The following RBFOX1 variants were observed in gnomAD, a reference collection of about 807,000 sequenced individuals.
RBFOX1 encodes RNA binding fox-1 homolog 1.
RBFOX1 carries 8 observed loss-of-function variants against 57.7 expected under a neutral mutation model. The ratio of observed to expected loss-of-function variants is 0.14; its 90% CI spans 0.08 to 0.25. The LOEUF (loss-of-function observed/expected upper bound fraction) is 0.25. RBFOX1 is among the 10% of genes least tolerant of loss of function. RBFOX1 has a pLI of 1.00. For synonymous variants in RBFOX1, 326 were observed against 222.4 expected (o/e 1.47, Z -4.15); for missense variants, 611 against 548.5 (o/e 1.11, Z -1.14).
At chr16:6,905,841 G>A (rs964081440) in intron 3 of RBFOX1, among the ~76,000 whole-genome samples, 2 of 152,190 alleles carry the variant, frequency 1.3e-5, no homozygotes, top group Admixed American at 6.5e-5. Flanking sequence ...AGTGGCTGAG[G>A]GCTGTATGTT....
chr16:6,981,075 G>A (rs528253090), intron 3 of RBFOX1, among the ~76,000 whole-genome samples: 2 of 120,886 alleles, frequency 1.7e-5, no homozygotes, highest in African/African-American at 4.0e-5. Context: ...AAAAATTCAG[G>A]AGTGGTGAGA....
chr16:5,909,085 C>T (rs1341932276), intron 4 of RBFOX1, among the ~76,000 whole-genome samples: 1 of 71,542 alleles, frequency 1.4e-5, no homozygotes, highest in African/African-American at 4.4e-5. Context: ...ACAGACTAAG[C>T]CCCCCTTTTT....
chr16:5,686,987 A>G (rs997803014), intron 3 of RBFOX1, among the ~76,000 whole-genome samples: 4 of 152,150 alleles, frequency 2.6e-5, no homozygotes, highest in Non-Finnish European at 4.4e-5. Context: ...AAGTCATTGC[A>G]TTTTGGGTTG....
intron 1 of RBFOX1, among the ~76,000 whole-genome samples, chr16:5,281,657 G>A (rs190708625): frequency 1.3e-5 from 2 of 152,188 alleles, no homozygotes. Flanking sequence ...TTGCTGAATT[G>A]ATCCCTTTAT....
At chr16:6,822,635 G>C (rs192555921) in intron 3 of RBFOX1, among the ~76,000 whole-genome samples, 1 of 152,298 alleles carries the variant, frequency 6.6e-6, no homozygotes, top group East Asian at 1.9e-4. Flanking sequence ...TGCTCATAAG[G>C]TATGAGGTTA....
At chr16:6,719,646 C>G (rs1317723739) in intron 3 of RBFOX1, among the ~76,000 whole-genome samples, 3 of 151,502 alleles carry the variant, frequency 2.0e-5, no homozygotes, top group Admixed American at 1.3e-4. Flanking sequence ...TGGGGTTTCA[C>G]CATGTTAGCT....
intron 4 of RBFOX1, among the ~76,000 whole-genome samples, chr16:7,366,783 A>G (rs1490837032): frequency 1.3e-5 from 2 of 152,214 alleles, no homozygotes; most frequent in African/African-American, 4.8e-5. Context: ...TAAAGGGATT[A>G]AAGATCAAAA....
intron 3 of RBFOX1, among the ~76,000 whole-genome samples, chr16:6,817,142 A>T (rs141237114): frequency 6.6e-6 from 1 of 152,236 alleles, no homozygotes; most frequent in African/African-American, 2.4e-5. Context: ...CATGGCTGCA[A>T]CCTGCTGAGT....
intron 3 of RBFOX1, among the ~76,000 whole-genome samples, chr16:7,008,661 C>G (rs1361541064): frequency 6.1e-5 from 1 of 16,510 alleles, no homozygotes; most frequent in African/African-American, 3.7e-4. Flanking sequence ...TCCTCCCTTC[C>G]TCCCTCCCTC....
At chr16:6,639,191 C>T (rs1466902203) in intron 2 of RBFOX1, among the ~76,000 whole-genome samples, 2 of 152,246 alleles carry the variant, frequency 1.3e-5, no homozygotes, top group African/African-American at 4.8e-5. Context: ...TGACCTTCAG[C>T]TGTGCTGCGC....
chr16:5,290,582 C>T (rs899283031), intron 1 of RBFOX1, among the ~76,000 whole-genome samples: 1 of 152,028 alleles, frequency 6.6e-6, no homozygotes, highest in African/African-American at 2.4e-5. Flanking sequence ...TAAAATCTTC[C>T]TTGAAGAGAT....
At chr16:7,551,799 C>T (rs1392426567) in intron 5 of RBFOX1, among the ~76,000 whole-genome samples, 2 of 152,158 alleles carry the variant, frequency 1.3e-5, no homozygotes, top group Non-Finnish European at 2.9e-5. Flanking sequence ...ATATTTACAC[C>T]ACAGACATTG....
chr16:6,576,135 A>T (rs1209078313), intron 2 of RBFOX1, among the ~76,000 whole-genome samples: 1 of 152,130 alleles, frequency 6.6e-6, no homozygotes, highest in Non-Finnish European at 1.5e-5. Flanking sequence ...CTACTTTATC[A>T]GTTTTTATTT....
chr16:7,611,307 C>G (rs1330987242), intron 10 of RBFOX1, among the ~76,000 whole-genome samples: 5 of 152,000 alleles, frequency 3.3e-5, no homozygotes, highest in South Asian at 2.1e-4. Flanking sequence ...AGTTATTGAC[C>G]AGGCGTGGTG....
chr16:7,601,699 G>A (rs1192279085), intron 9 of RBFOX1, among the ~76,000 whole-genome samples: 3 of 152,142 alleles, frequency 2.0e-5, no homozygotes, highest in African/African-American at 7.2e-5. Flanking sequence ...GTCTCACAAT[G>A]GGGAGCAGTG....
intron 3 of RBFOX1, among the ~76,000 whole-genome samples, chr16:6,984,537 A>G (rs1217966596): frequency 1.3e-5 from 2 of 152,156 alleles, no homozygotes; most frequent in Admixed American, 1.3e-4. Flanking sequence ...CTAAATTAGA[A>G]TGGTGCAGCA....
chr16:7,050,472 G>T (rs1483918417), intron 3 of RBFOX1, among the ~76,000 whole-genome samples: 2 of 151,960 alleles, frequency 1.3e-5, no homozygotes, highest in African/African-American at 2.4e-5. Flanking sequence ...CACCATATTG[G>T]CCAGGTTTGT....
At chr16:6,808,416 T>A (rs866618867) in intron 3 of RBFOX1, among the ~76,000 whole-genome samples, 54 of 152,176 alleles carry the variant, frequency 3.5e-4, no homozygotes, top group African/African-American at 1.2e-3. Flanking sequence ...GAAGCAGAGT[T>A]CCTTTTCTTG....
intron 4 of RBFOX1, among the ~76,000 whole-genome samples, chr16:5,949,194 A>G (rs571440795): frequency 1.3e-5 from 2 of 152,240 alleles, no homozygotes; most frequent in African/African-American, 2.4e-5. Context: ...TGATACAAGG[A>G]TATTATCTAC....
Sources: gnomAD v4.1 joint callset for allele counts (sites outside exome capture counted in the v4.1 genomes callset) on GRCh38, gnomAD v4.1.1 for gene constraint, MANE v1.5 for transcripts, NCBI Gene and HGNC (gene_info 2026-07-23, HGNC 2026-07-21) for gene names.